The following DPH6 variants were observed in gnomAD, a reference collection of about 807,000 sequenced individuals.
The protein encoded by DPH6 is diphthamine biosynthesis 6.
A neutral mutation model predicts 38.2 loss-of-function variants in DPH6; 33 were observed. The ratio of observed to expected loss-of-function variants is 0.86; its 90% CI spans 0.65 to 1.15. The LOEUF is 1.15. Ranked by LOEUF, DPH6 falls within the 50% of genes most tolerant of loss-of-function variation. The pLI is 0.00. For missense variants in DPH6, 325 were observed against 320.0 expected (o/e 1.02, Z -0.12); for synonymous variants, 108 against 103.0 (o/e 1.05, Z -0.30).
intron 6 of DPH6, among the ~76,000 whole-genome samples, chr15:35,395,171 T>C (rs1213026931): frequency 2.0e-5 from 3 of 152,224 alleles, no homozygotes; most frequent in Non-Finnish European, 2.9e-5. Flanking sequence ...TTTTCTTTTC[T>C]AGCTCCTGGC....
intron 3 of DPH6, among the ~76,000 whole-genome samples, chr15:35,492,007 TA>T (rs2054489862): frequency 6.6e-6 from 1 of 152,044 alleles, no homozygotes; most frequent in African/African-American, 2.4e-5. Flanking sequence ...AGAAGTCCCA[TA>T]ATCTGCTGTC....
At chr15:35,210,016 A>C in the DPH6 span, among the ~76,000 whole-genome samples, 9 of 152,182 alleles carry the variant, frequency 5.9e-5, no homozygotes, top group African/African-American at 2.2e-4. Context: ...ACAGTGAGCC[A>C]TGAAAGTGTG....
At chr15:35,213,131 G>GT (rs1046945660), downstream of DPH6, among the ~76,000 whole-genome samples, 3 of 152,160 alleles carry the variant, frequency 2.0e-5, no homozygotes, top group African/African-American at 7.2e-5. Context: ...TCTGTCTGAG[G>GT]TAAGGCCTGG....
chr15:35,377,457 A>G (rs1772202842), intron 7 of DPH6, among the ~76,000 whole-genome samples: 2 of 152,216 alleles, frequency 1.3e-5, no homozygotes, highest in Admixed American at 1.3e-4. Flanking sequence ...AAATGTATAC[A>G]TGAAGAGAGA....
At chr15:35,172,833 A>G in the DPH6 span, among the ~76,000 whole-genome samples, 2 of 152,150 alleles carry the variant, frequency 1.3e-5, no homozygotes, top group Non-Finnish European at 2.9e-5. Flanking sequence ...TTGGGTCTAC[A>G]GGCATGAACC....
rs1042384733 is a variant in DPH6 at position 35,254,428 on chromosome 15, G to A, written n.201-33846C>T. Among the ~76,000 whole-genome samples the A allele has an allele frequency of 3.3e-5, 5 of 152,112 alleles. No individual in the cohort carries two copies. The South Asian group carries it at 1.0e-3, about 32-fold the overall frequency. ...ATGGAGCTCTGTAATTGTAAATTAG[G>A]TACTGGCAAACAATACAATACTGTA... On this transcript the variant is annotated intron_variant and non_coding_transcript_variant, in intron 3 of 3. Transcript: ENST00000560386.
chr15:35,333,011 A>T (rs1469070855), intron 3 of DPH6, among the ~76,000 whole-genome samples: 3 of 152,080 alleles, frequency 2.0e-5, no homozygotes, highest in African/African-American at 7.2e-5. Flanking sequence ...ATGAGCAGTT[A>T]TCCATACACA....
At chr15:35,246,343 C>CA (rs2140405577) in intron 3 of DPH6, among the ~76,000 whole-genome samples, 2 of 152,316 alleles carry the variant, frequency 1.3e-5, no homozygotes, top group South Asian at 4.1e-4. Flanking sequence ...ACTTAATTGT[C>CA]AGACACTGCT....
intron 3 of DPH6, among the ~76,000 whole-genome samples, chr15:35,249,075 G>A (rs2051655077): frequency 6.6e-6 from 1 of 152,206 alleles, no homozygotes; most frequent in South Asian, 2.1e-4. Flanking sequence ...CCTTCGGAAT[G>A]TTTTATAATT....
chr15:35,216,352 T>C (rs1208008761), downstream of DPH6, among the ~76,000 whole-genome samples: 4 of 152,228 alleles, frequency 2.6e-5, no homozygotes, highest in African/African-American at 7.2e-5. Context: ...TATAGATTTG[T>C]TTTCTTTATA....
intron 3 of DPH6, among the ~76,000 whole-genome samples, chr15:35,512,115 C>A (rs1166098210): frequency 6.6e-6 from 1 of 151,988 alleles, no homozygotes; most frequent in Admixed American, 6.6e-5. Context: ...GTGGTTTAAA[C>A]CTGCAGTAAT....
At chr15:35,237,830 G>A (rs2051565920) in intron 3 of DPH6, 3 of 1,543,702 alleles carry the variant, frequency 1.9e-6, no homozygotes, top group Non-Finnish European at 1.8e-6. Flanking sequence ...GGGCCTGGAG[G>A]AGGAGGAGGA....
At chr15:35,488,182 T>C (rs963178711) in intron 3 of DPH6, among the ~76,000 whole-genome samples, 1 of 152,164 alleles carries the variant, frequency 6.6e-6, no homozygotes, top group Non-Finnish European at 1.5e-5. Context: ...AACATGTCTC[T>C]AGAAAGTTCC....
intron 6 of DPH6, among the ~76,000 whole-genome samples, chr15:35,395,094 C>A (rs1460064667): frequency 2.0e-5 from 3 of 152,154 alleles, no homozygotes; most frequent in African/African-American, 4.8e-5. Context: ...TCTTTCTCAA[C>A]CTTGTTCTCT....
chr15:35,204,640 A>C, the DPH6 span, among the ~76,000 whole-genome samples: 835 of 151,798 alleles, frequency 5.5e-3, 3 homozygotes, highest in Middle Eastern at 0.01. Flanking sequence ...CATGAGAAAA[A>C]CCTCTAGCAA....
intron 3 of DPH6, among the ~76,000 whole-genome samples, chr15:35,498,848 C>T (rs1159389632): frequency 1.3e-5 from 2 of 149,282 alleles, no homozygotes; most frequent in South Asian, 2.1e-4. Context: ...CTGCTCAAGT[C>T]GGTAATCCCA....
At chr15:35,489,990 A>G in intron 3 of DPH6, 5 of 985,390 alleles carry the variant, frequency 5.1e-6, no homozygotes, top group Non-Finnish European at 6.0e-6. Flanking sequence ...GCATAAGCCC[A>G]GAAGAAAACC....
intron 3 of DPH6, among the ~76,000 whole-genome samples, chr15:35,490,575 C>A (rs2054463408): frequency 6.6e-6 from 1 of 152,178 alleles, no homozygotes; most frequent in Non-Finnish European, 1.5e-5. Flanking sequence ...CTGGGACATG[C>A]ATCTCATTTT....
At chr15:35,179,033 C>T in the DPH6 span, among the ~76,000 whole-genome samples, 1 of 151,452 alleles carries the variant, frequency 6.6e-6, no homozygotes, top group African/African-American at 2.4e-5. Context: ...ATGGAGAAAT[C>T]CCATCTCTAC....
Sources: gnomAD v4.1 joint callset for allele counts (sites outside exome capture counted in the v4.1 genomes callset) on GRCh38, gnomAD v4.1.1 for gene constraint, MANE v1.5 for transcripts, NCBI Gene and HGNC (gene_info 2026-07-23, HGNC 2026-07-21) for gene names.